SCHIP1: variants seen among roughly 807,000 people sequenced by gnomAD.
SCHIP1 encodes the protein schwannomin interacting protein 1, also known as schwannomin-interacting protein 1.
Under a neutral mutation model 29.7 loss-of-function variants are expected in SCHIP1, and 8 were observed. The ratio of observed to expected loss-of-function variants is 0.27; its 90% confidence interval spans 0.16 to 0.49. The LOEUF (loss-of-function observed/expected upper bound fraction) is 0.49, where lower values mean the gene tolerates loss of function less well. Among genes scored for constraint, SCHIP1 ranks in the 20% least tolerant of loss-of-function variants. The pLI is 0.99. For synonymous variants in SCHIP1, 76 were observed against 94.9 expected (o/e 0.80, Z 1.16); for missense variants, 193 against 294.6 (o/e 0.66, Z 2.52).
At chr3:159,475,199 G>T in the SCHIP1 span, among the ~76,000 whole-genome samples, 1 of 152,196 alleles carries the variant, frequency 6.6e-6, no homozygotes, top group East Asian at 1.9e-4. Flanking sequence ...ACTGATGAAT[G>T]AACAAATTGT....
At chr3:159,546,418 GT>G in the SCHIP1 span, among the ~76,000 whole-genome samples, 3 of 152,034 alleles carry the variant, frequency 2.0e-5, no homozygotes, top group Non-Finnish European at 4.4e-5. Context: ...AGTTTGCTAA[GT>G]TTTTTTTAAG....
At chr3:159,333,157 T>C in the SCHIP1 span, among the ~76,000 whole-genome samples, 1 of 152,218 alleles carries the variant, frequency 6.6e-6, no homozygotes, top group Non-Finnish European at 1.5e-5. Context: ...TAGTGTTGCA[T>C]AACATAAAAG....
chr3:159,376,096 T>C, the SCHIP1 span, among the ~76,000 whole-genome samples: 1 of 151,988 alleles, frequency 6.6e-6, no homozygotes, highest in Admixed American at 6.6e-5. Context: ...ATATAAATAA[T>C]GCTTAGAAAG....
At chr3:159,299,302 A>G in the SCHIP1 span, among the ~76,000 whole-genome samples, 1 of 152,170 alleles carries the variant, frequency 6.6e-6, no homozygotes, top group East Asian at 1.9e-4. Context: ...TATCTCTAAC[A>G]GTCTGAGCTT....
At chr3:159,369,654 T>C in the SCHIP1 span, among the ~76,000 whole-genome samples, 1 of 136,260 alleles carries the variant, frequency 7.3e-6, no homozygotes, top group Admixed American at 7.6e-5. Flanking sequence ...ATAAATAAAA[T>C]TGAAGAAGTC....
the SCHIP1 span, among the ~76,000 whole-genome samples, chr3:159,525,738 G>T: frequency 6.6e-6 from 1 of 152,254 alleles, no homozygotes; most frequent in South Asian, 2.1e-4. Flanking sequence ...AGGACCTCAG[G>T]GCAGCAACAG....
the SCHIP1 span, among the ~76,000 whole-genome samples, chr3:159,511,673 A>G: frequency 6.6e-6 from 1 of 152,200 alleles, no homozygotes; most frequent in East Asian, 1.9e-4. Flanking sequence ...AGATCAACTG[A>G]ACAAAATAGA....
At chr3:159,723,631 T>C in the SCHIP1 span, among the ~76,000 whole-genome samples, 1 of 152,212 alleles carries the variant, frequency 6.6e-6, no homozygotes, top group Non-Finnish European at 1.5e-5. Flanking sequence ...TTCCTGTTTA[T>C]TGTGAAGAAC....
the SCHIP1 span, among the ~76,000 whole-genome samples, chr3:159,371,842 T>G: frequency 6.6e-6 from 1 of 152,206 alleles, no homozygotes; most frequent in Non-Finnish European, 1.5e-5. Flanking sequence ...AGTCTGTACA[T>G]GTTCCATACA....
the SCHIP1 span, among the ~76,000 whole-genome samples, chr3:159,783,005 G>A: frequency 6.6e-6 from 1 of 152,226 alleles, no homozygotes. Flanking sequence ...AGACAAGGTT[G>A]GGAAGGGGGA....
chr3:159,278,803 A>G, the SCHIP1 span, among the ~76,000 whole-genome samples: 1 of 152,204 alleles, frequency 6.6e-6, no homozygotes. Context: ...CCCCAAAAGT[A>G]TAATAGCTCA....
At chr3:159,514,450 C>T in the SCHIP1 span, among the ~76,000 whole-genome samples, 1 of 152,144 alleles carries the variant, frequency 6.6e-6, no homozygotes, top group Non-Finnish European at 1.5e-5. Flanking sequence ...GGTTTATTAA[C>T]AAATTGAGTT....
the SCHIP1 span, among the ~76,000 whole-genome samples, chr3:159,352,885 C>G: frequency 2.0e-5 from 3 of 151,604 alleles, no homozygotes; most frequent in Non-Finnish European, 4.4e-5. Context: ...AAAAAGTAGT[C>G]AATTTAAAGA....
the SCHIP1 span, among the ~76,000 whole-genome samples, chr3:159,409,409 T>C: frequency 6.6e-6 from 1 of 152,202 alleles, no homozygotes; most frequent in Non-Finnish European, 1.5e-5. Flanking sequence ...CAAAAACCTA[T>C]TAGAACTGAT....
the SCHIP1 span, among the ~76,000 whole-genome samples, chr3:159,820,661 G>T: frequency 1.3e-5 from 2 of 152,284 alleles, no homozygotes; most frequent in East Asian, 3.9e-4. Context: ...GGTTGAGAGA[G>T]ATCAGTAGTT....
chr3:159,425,937 T>G, the SCHIP1 span, among the ~76,000 whole-genome samples: 1 of 152,174 alleles, frequency 6.6e-6, no homozygotes, highest in Admixed American at 6.5e-5. Context: ...TGCTCCTGAA[T>G]GACTACTGGG....
chr3:159,499,423 A>G, the SCHIP1 span, among the ~76,000 whole-genome samples: 1 of 152,328 alleles, frequency 6.6e-6, no homozygotes, highest in Admixed American at 6.5e-5. Context: ...TCAAAGCCCC[A>G]TCATACTGTG....
the SCHIP1 span, among the ~76,000 whole-genome samples, chr3:159,702,265 C>T: frequency 2.0e-5 from 3 of 152,204 alleles, 1 homozygote; most frequent in South Asian, 6.2e-4. Context: ...TCCAGAGGCA[C>T]TAAATGAGAT....
the SCHIP1 span, among the ~76,000 whole-genome samples, chr3:159,382,199 C>A: frequency 1.7e-4 from 25 of 149,430 alleles, no homozygotes; most frequent in South Asian, 4.9e-3. Flanking sequence ...TGCTGGTGTG[C>A]TGCACCCATT....
Sources: gnomAD v4.1 joint callset for allele counts (sites outside exome capture counted in the v4.1 genomes callset) on GRCh38, gnomAD v4.1.1 for gene constraint, MANE v1.5 for transcripts, NCBI Gene and HGNC (gene_info 2026-07-23, HGNC 2026-07-21) for gene names.